The following ABTB2 variants were observed in gnomAD, a reference collection of about 807,000 sequenced individuals.
ABTB2 encodes the protein ankyrin repeat and BTB/POZ domain-containing protein 2.
ABTB2 carries 56 observed loss-of-function variants against 104.1 expected under a neutral mutation model. The ratio of observed to expected loss-of-function variants is 0.54; its 90% CI spans 0.43 to 0.67. The LOEUF (loss-of-function observed/expected upper bound fraction) is 0.67. Among genes scored for constraint, ABTB2 ranks in the 30% least tolerant of loss-of-function variants. The probability of loss-of-function intolerance (pLI) is 0.00; values close to 1 mark genes in which losing one functional copy is unlikely to be tolerated. For missense variants in ABTB2, 1,279 were observed against 1,407.7 expected (o/e 0.91, Z 1.46); for synonymous variants, 606 against 608.2 (o/e 1.00, Z 0.05).
intron 1 of ABTB2, among the ~76,000 whole-genome samples, chr11:34,302,398 GAAATCC>G (rs923075054): frequency 2.0e-5 from 3 of 152,184 alleles, no homozygotes; most frequent in Admixed American, 2.0e-4. Flanking sequence ...CTTCCTATCT[GAAATCC>G]ATGACTGGTC....
intron 1 of ABTB2, among the ~76,000 whole-genome samples, chr11:34,268,035 A>T (rs1854271518): frequency 6.6e-6 from 1 of 152,034 alleles, no homozygotes; most frequent in African/African-American, 2.4e-5. Context: ...GGCTGAAGTG[A>T]TTCTCCAGCC....
At chr11:34,327,005 G>T (rs11032616) in intron 1 of ABTB2, among the ~76,000 whole-genome samples, 1 of 152,210 alleles carries the variant, frequency 6.6e-6, no homozygotes, top group Non-Finnish European at 1.5e-5. Context: ...AACCCGGGAG[G>T]TGGAGGTTGC....
chr11:34,280,115 C>T (rs144838835), intron 1 of ABTB2, among the ~76,000 whole-genome samples: 2 of 152,234 alleles, frequency 1.3e-5, no homozygotes, highest in African/African-American at 2.4e-5. Context: ...CACAAGGACC[C>T]TATGCGATAG....
At chr11:34,271,362 C>T (rs112916317) in intron 1 of ABTB2, among the ~76,000 whole-genome samples, 5 of 152,338 alleles carry the variant, frequency 3.3e-5, no homozygotes, top group African/African-American at 9.6e-5. Flanking sequence ...AGGTGCCTGG[C>T]TTGGGTCCAA....
At chr11:34,186,554 T>A (rs1394828093) in intron 3 of ABTB2, among the ~76,000 whole-genome samples, 3 of 152,180 alleles carry the variant, frequency 2.0e-5, no homozygotes, top group Non-Finnish European at 4.4e-5. Context: ...TTGCTGCCCG[T>A]GTTACAAAAA....
rs79986950 is a variant in ABTB2 at position 34,186,109 on chromosome 11, C to T, written c.1244+11216G>A. 5.2e-3 allele frequency among the ~76,000 whole-genome samples: 786 copies of T among 152,330 alleles called. 2 individuals carry two copies. The highest frequency in any genetic ancestry group is 0.018 in the African/African-American group (732 of 41,570). On this transcript the variant is annotated intron_variant, in intron 3 of 16. Coordinates refer to ENST00000435224, the MANE Select transcript of ABTB2 (RefSeq NM_145804.3). ...AGGTTTGCCTTGGGGCCCACGGCAC[C>T]GCTCCGCCCAACCTCCAGCTTTTGC...
At chr11:34,222,281 A>G (rs1299944534) in intron 1 of ABTB2, among the ~76,000 whole-genome samples, 1 of 152,238 alleles carries the variant, frequency 6.6e-6, no homozygotes, top group African/African-American at 2.4e-5. Context: ...CAAAGAGAAT[A>G]GATGATAAAT....
chr11:34,202,280 T>C (rs2133039308), intron 2 of ABTB2, among the ~76,000 whole-genome samples: 1 of 152,136 alleles, frequency 6.6e-6, no homozygotes, highest in South Asian at 2.1e-4. Flanking sequence ...GAAGGACCAA[T>C]GTACTTGAGG....
At chr11:34,214,874 C>T (rs1046440926) in intron 1 of ABTB2, among the ~76,000 whole-genome samples, 1 of 152,038 alleles carries the variant, frequency 6.6e-6, no homozygotes, top group African/African-American at 2.4e-5. Flanking sequence ...GAAAGGAAAA[C>T]CTGGTTGTTT....
chr11:34,316,201 C>T (rs1854927887), intron 1 of ABTB2, among the ~76,000 whole-genome samples: 1 of 152,214 alleles, frequency 6.6e-6, no homozygotes, highest in Non-Finnish European at 1.5e-5. Context: ...ACTGACAGCA[C>T]CCAACGTGAG....
At chr11:34,221,788 C>T (rs1853626806) in intron 1 of ABTB2, among the ~76,000 whole-genome samples, 1 of 152,232 alleles carries the variant, frequency 6.6e-6, no homozygotes, top group African/African-American at 2.4e-5. Context: ...CCTATAATCC[C>T]AGCACTTTGG....
Position 34,305,379 on chromosome 11 carries a change from GA to G in ABTB2, c.883+51321del, listed in dbSNP as rs200687179. Among the ~76,000 whole-genome samples the G allele has an allele frequency of 3.6e-3, 548 of 152,308 alleles. 2 individuals are homozygous for G. The highest frequency in any genetic ancestry group is 0.011 in the African/African-American group (473 of 41,564). ...CTGGCACACTTCTCTCCTCAAAGAG[GA>G]AAATCTTGCAGTTTGAAACATTCAC... On this transcript the variant is annotated intron_variant, in intron 1 of 16. Transcript: ENST00000435224.
At chr11:34,333,826 C>T (rs1225625749) in intron 1 of ABTB2, among the ~76,000 whole-genome samples, 2 of 151,922 alleles carry the variant, frequency 1.3e-5, no homozygotes, top group African/African-American at 4.8e-5. Context: ...GTGAAGATCC[C>T]AAAATTGAAC....
chr11:34,207,839 G>A (rs1302981919), intron 1 of ABTB2, among the ~76,000 whole-genome samples: 1 of 152,232 alleles, frequency 6.6e-6, no homozygotes, highest in East Asian at 1.9e-4. Context: ...GGATATTGGA[G>A]AGGAAAGAGG....
chr11:34,218,726 G>A (rs990245463), intron 1 of ABTB2, among the ~76,000 whole-genome samples: 26 of 151,530 alleles, frequency 1.7e-4, no homozygotes, highest in African/African-American at 5.3e-4. Context: ...GTGCACGCCT[G>A]TAATCCCAGC....
chr11:34,215,950 A>T (rs1440259234), intron 1 of ABTB2, among the ~76,000 whole-genome samples: 3 of 146,168 alleles, frequency 2.1e-5, no homozygotes, highest in African/African-American at 2.4e-5. Flanking sequence ...ACAGTGATTT[A>T]AAAAAAAATT....
rs1421791969 is a variant in ABTB2 at position 34,357,393 on chromosome 11, C to G, written c.191G>C (p.Arg64Pro). Reference sequence around the variant, plus strand: ...GTTCACCGTGTCCCAGCTGTTGTGGCGGCTGTTCATGGAGCCGGAGTAGCA... The same window carrying G: ...GTTCACCGTGTCCCAGCTGTTGTGGGGGCTGTTCATGGAGCCGGAGTAGCA... Reference protein sequence around the residue: ...WWCYSGSMNSRHNSWDTVNTV... With the variant: ...WWCYSGSMNSPHNSWDTVNTV... The change falls in exon 1 of 17, where the codon CGC (arginine) becomes CCC (proline). Residue 64 changes from arginine to proline, a missense_variant. Arg to Pro is a moderately radical substitution (Grantham distance 103). Transcript: ENST00000435224. The G allele has an allele frequency of 1.3e-6, 2 of 1,544,832 alleles. No individual in the cohort carries two copies. The highest frequency in any genetic ancestry group is 1.7e-6 in the Non-Finnish European group (2 of 1,143,126).
At chr11:34,231,366 C>T (rs1853767279) in intron 1 of ABTB2, among the ~76,000 whole-genome samples, 1 of 152,132 alleles carries the variant, frequency 6.6e-6, no homozygotes, top group African/African-American at 2.4e-5. Context: ...ATACCACCCT[C>T]CCCCAGGAGG....
intron 1 of ABTB2, chr11:34,335,063 T>A (rs970078642): frequency 1.2e-6 from 1 of 821,744 alleles, no homozygotes; most frequent in Non-Finnish European, 2.1e-6. Context: ...TGTTTATAGA[T>A]CAACCCAAAT....
Sources: gnomAD v4.1 joint callset for allele counts (sites outside exome capture counted in the v4.1 genomes callset) on GRCh38, gnomAD v4.1.1 for gene constraint, MANE v1.5 for transcripts, NCBI Gene and HGNC (gene_info 2026-07-23, HGNC 2026-07-21) for gene names.